HDAC4: variants seen among roughly 807,000 people sequenced by gnomAD.
HDAC4 encodes the protein histone deacetylase 4.
In HDAC4, 16 loss-of-function variants were observed where a neutral mutation model predicts 135.1. The ratio of observed to expected loss-of-function variants is 0.12; its 90% CI spans 0.08 to 0.18. The LOEUF is 0.18. HDAC4 is among the 10% of genes least tolerant of loss of function. The pLI is 1.00. For synonymous variants in HDAC4, 685 were observed against 653.4 expected (o/e 1.05, Z -0.74); for missense variants, 1,143 against 1,511.8 (o/e 0.76, Z 4.05).
At chr2:239,114,193 T>C (rs2038927868) in intron 13 of HDAC4, among the ~76,000 whole-genome samples, 1 of 152,118 alleles carries the variant, frequency 6.6e-6, no homozygotes, top group Non-Finnish European at 1.5e-5. Context: ...GGGGTGGAGA[T>C]GCAGCGTCTG....
intron 3 of HDAC4, among the ~76,000 whole-genome samples, chr2:239,230,564 C>T (rs1415669636): frequency 2.0e-5 from 3 of 152,078 alleles, no homozygotes; most frequent in Non-Finnish European, 4.4e-5. Flanking sequence ...ACGAGGCCGC[C>T]ACGGCCTCTC....
intron 3 of HDAC4, among the ~76,000 whole-genome samples, chr2:239,217,980 T>A (rs1191367912): frequency 6.6e-6 from 1 of 152,064 alleles, no homozygotes; most frequent in Non-Finnish European, 1.5e-5. Context: ...TGGTTCCAGC[T>A]ACTCGGAAGG....
At chr2:239,099,330 T>A (rs1429309880) in intron 16 of HDAC4, among the ~76,000 whole-genome samples, 1 of 152,214 alleles carries the variant, frequency 6.6e-6, no homozygotes, top group Non-Finnish European at 1.5e-5. Flanking sequence ...CGCACAGAAC[T>A]GCGTGTGTGC....
chr2:239,192,271 C>T (rs1301242622), intron 3 of HDAC4, among the ~76,000 whole-genome samples: 1 of 140,084 alleles, frequency 7.1e-6, no homozygotes, highest in Non-Finnish European at 1.5e-5. Context: ...GTTCCATGTG[C>T]AGGAGCAGAA....
At chr2:239,075,693 A>G in intron 22 of HDAC4, among the ~76,000 whole-genome samples, 1 of 152,226 alleles carries the variant, frequency 6.6e-6, no homozygotes, top group South Asian at 2.1e-4. Context: ...CCGTGGCCTC[A>G]ATGTGGCTTC....
intron 5 of HDAC4, among the ~76,000 whole-genome samples, chr2:239,172,244 T>C (rs2043492721): frequency 7.1e-6 from 1 of 141,772 alleles, no homozygotes; most frequent in South Asian, 2.2e-4. Flanking sequence ...ATCCTACTGA[T>C]AATCAGTAAA....
intron 14 of HDAC4, among the ~76,000 whole-genome samples, chr2:239,110,632 A>G (rs2038585791): frequency 6.6e-6 from 1 of 152,270 alleles, no homozygotes; most frequent in African/African-American, 2.4e-5. Context: ...CGCAGACTGC[A>G]GAACACTAAG....
intron 25 of HDAC4, among the ~76,000 whole-genome samples, chr2:239,054,472 C>A (rs901884479): frequency 1.3e-5 from 2 of 152,156 alleles, no homozygotes; most frequent in Non-Finnish European, 2.9e-5. Context: ...GAGCAAGTGA[C>A]TCCACACTGA....
At chr2:239,079,746 GCA>G (rs149819180) in intron 22 of HDAC4, among the ~76,000 whole-genome samples, 19 of 151,458 alleles carry the variant, frequency 1.3e-4, no homozygotes, top group East Asian at 7.8e-4. Context: ...ATACAGATGT[GCA>G]CACACACACA....
chr2:239,245,177 A>T lies in HDAC4; in HGVS notation c.23-8513T>A, dbSNP rs2048396582. On this transcript the variant is annotated intron_variant, in intron 2 of 26. Transcript: ENST00000543185. The surrounding 1 kb of genome is among the most constrained non-coding windows in gnomAD (Gnocchi z 4.4). The stretch of plus-strand genomic sequence containing the variant: ...ATCAGGCAGTCTTAAAATGTCAAGG[A>T]TAACCTAAGAAGTATTCCTGTTGTC... Among the ~76,000 whole-genome samples the T allele has an allele frequency of 6.6e-6, 1 of 152,236 alleles. No homozygotes were observed. The highest frequency in any genetic ancestry group is 2.1e-4 in the South Asian group (1 of 4,836).
chr2:239,194,896 G>A (rs977635679), intron 3 of HDAC4, among the ~76,000 whole-genome samples: 1 of 152,214 alleles, frequency 6.6e-6, no homozygotes, highest in Admixed American at 6.5e-5. Context: ...ATCCGCCCCT[G>A]GCAGTGCTGG....
At chr2:239,120,948 C>G (rs1415431752) in intron 12 of HDAC4, among the ~76,000 whole-genome samples, 1 of 151,378 alleles carries the variant, frequency 6.6e-6, no homozygotes, top group Non-Finnish European at 1.5e-5. Context: ...AGGGAGGACT[C>G]GGTGGACACA....
rs1000676680 is a variant in HDAC4, at chr2:239,066,778, G to A, written c.2947C>T (p.Leu983=). ...IVLALEGGHD[L]TAICDASEAC... is the part of the protein sequence containing the mutation. Reference sequence around the variant, plus strand: ...TCCGAGGCGTCGCAAATGGCGGTCAGGTCGTGGCCTCCCTCGAGGGCCAGG... The same window carrying A: ...TCCGAGGCGTCGCAAATGGCGGTCAAGTCGTGGCCTCCCTCGAGGGCCAGG... The change falls in exon 24 of 27, where the codon CTG becomes TTG. Residue 983 remains leucine, a synonymous_variant. Transcript: ENST00000543185. The A allele has an allele frequency of 2.5e-6, 4 of 1,613,768 alleles. No homozygotes were observed. In the East Asian group the frequency reaches 8.9e-5, roughly 36 times the overall value.
rs1016999228 is a variant in HDAC4, at chr2:239,111,864, C to T, written c.1792-152G>A. 17 of 729,722 alleles carry T rather than the reference C, an allele frequency of 2.3e-5. No homozygotes were observed. The South Asian group carries it at 2.7e-4, about 12-fold the overall frequency. 45.2% of individuals were successfully genotyped at this position (729,722 alleles called of 1,614,324 possible). ...CCGGGAGGCCAGCTGCGTGGAGAGG[C>T]CTTCCCTGTGAGTGCCCTGAAGCCT... On this transcript the variant is annotated intron_variant, in intron 13 of 26. Coordinates refer to ENST00000543185, the MANE Select transcript of HDAC4 (RefSeq NM_001378414.1).
chr2:239,080,804 C>T (rs1298326807), intron 22 of HDAC4: 1 of 496,122 alleles, frequency 2.0e-6, no homozygotes, highest in East Asian at 3.3e-5. Context: ...TAACACTCTG[C>T]ACAAAAGTCC....
rs778469875 is a variant in HDAC4, at chr2:239,115,822, T to C, written c.1534-512A>G. ...CCTGCAGGATCCCACCGATGTGCCATGACCTCCCTCCTGCCGGATCCTGGG... is the reference window on the plus strand; with the variant it reads ...CCTGCAGGATCCCACCGATGTGCCACGACCTCCCTCCTGCCGGATCCTGGG... On this transcript the variant is annotated intron_variant, in intron 12 of 26. Transcript: ENST00000543185. The surrounding 1 kb of genome is among the most constrained non-coding windows in gnomAD (Gnocchi z 6.3). Among the ~76,000 whole-genome samples, 4 of 151,572 alleles carry C rather than the reference T, an allele frequency of 2.6e-5. No individual in the cohort carries two copies. Among genetic ancestry groups the C allele is most frequent in the East Asian group, 1.9e-4 (1 of 5,136 alleles).
chr2:239,290,639 GCA>G (rs556734043), intron 2 of HDAC4, among the ~76,000 whole-genome samples: 3 of 151,988 alleles, frequency 2.0e-5, no homozygotes, highest in Middle Eastern at 3.2e-3. Flanking sequence ...ACACATGTAC[GCA>G]CACACAACCA....
At chr2:239,085,389 T>C (rs769151156) in intron 19 of HDAC4, among the ~76,000 whole-genome samples, 14 of 152,222 alleles carry the variant, frequency 9.2e-5, no homozygotes, top group Non-Finnish European at 1.8e-4. Flanking sequence ...GAAACACTAG[T>C]TGTTTTGTTT....
intron 2 of HDAC4, among the ~76,000 whole-genome samples, chr2:239,258,843 A>G (rs1248805790): frequency 2.0e-5 from 3 of 152,232 alleles, no homozygotes; most frequent in Non-Finnish European, 2.9e-5. Flanking sequence ...AACAAACTAA[A>G]GGCTCTACTC....
Sources: allele counts gnomAD v4.1 joint callset (sites outside exome capture counted in the v4.1 genomes callset), GRCh38; gene constraint gnomAD v4.1.1; non-coding constraint Gnocchi (gnomAD v3.1); transcripts MANE v1.5; gene names NCBI Gene and HGNC (gene_info 2026-07-23, HGNC 2026-07-21).